The following DLG1 variants were observed in gnomAD, a reference collection of about 807,000 sequenced individuals.
DLG1 encodes disks large homolog 1.
In DLG1, 42 loss-of-function variants were observed where a neutral mutation model predicts 123.4. The observed-to-expected ratio is 0.34, with a 90% CI of 0.27 to 0.44. DLG1 has a LOEUF of 0.44. Ranked by LOEUF, DLG1 falls within the 20% of genes least tolerant of loss-of-function variation. DLG1 has a pLI of 1.00. For missense variants in DLG1, 942 were observed against 1,082.6 expected (o/e 0.87, Z 1.82); for synonymous variants, 317 against 356.2 (o/e 0.89, Z 1.24).
At chr3:197,252,536 A>G (rs986148038) in intron 4 of DLG1, among the ~76,000 whole-genome samples, 3 of 152,184 alleles carry the variant, frequency 2.0e-5, no homozygotes, top group Non-Finnish European at 4.4e-5. Flanking sequence ...ACGGTAGTTA[A>G]AATCAGAGAA....
At chr3:197,147,587 A>T (rs180972527) in intron 6 of DLG1, among the ~76,000 whole-genome samples, 1 of 152,212 alleles carries the variant, frequency 6.6e-6, no homozygotes, top group East Asian at 1.9e-4. Flanking sequence ...AACCAAACAC[A>T]GTATGTTCTC....
intron 22 of DLG1, among the ~76,000 whole-genome samples, chr3:197,062,744 C>T (rs1736702045): frequency 6.6e-6 from 1 of 152,186 alleles, no homozygotes; most frequent in South Asian, 2.1e-4. Flanking sequence ...CAGATATTCT[C>T]ATGGCTTATT....
intron 21 of DLG1, 98 bp downstream of exon 21, chr3:197,065,610 G>A (rs1045318814): frequency 1.9e-6 from 2 of 1,030,026 alleles, no homozygotes; most frequent in African/African-American, 3.2e-5. Context: ...GATAAAATAA[G>A]TACAAACCAT....
intron 8 of DLG1, among the ~76,000 whole-genome samples, chr3:197,139,608 T>C (rs1484612146): frequency 6.6e-6 from 1 of 152,228 alleles, no homozygotes; most frequent in African/African-American, 2.4e-5. Context: ...GAGACAAATG[T>C]TATTTTCATC....
At chr3:197,156,747 G>GTAA in intron 5 of DLG1, among the ~76,000 whole-genome samples, 1 of 152,282 alleles carries the variant, frequency 6.6e-6, no homozygotes, top group South Asian at 2.1e-4. Flanking sequence ...ATATAGGAAT[G>GTAA]TAACAATTAC....
chr3:197,085,887 T>A (rs1018159958), intron 15 of DLG1, 131 bp from the exon 16 acceptor site: 4 of 719,842 alleles, frequency 5.6e-6, no homozygotes, highest in Non-Finnish European at 8.9e-6. Context: ...CCAGTTCAAT[T>A]CTGCACTGCA....
chr3:197,225,249 G>C (rs1739233751), intron 4 of DLG1, among the ~76,000 whole-genome samples: 1 of 152,164 alleles, frequency 6.6e-6, no homozygotes, highest in East Asian at 1.9e-4. Context: ...AGGTAAAAAT[G>C]CACCCGCTCT....
Position 197,086,503 on chromosome 3 carries a change from A to C in DLG1, c.1662-747T>G, listed in dbSNP as rs1754454554. On this transcript the variant is annotated intron_variant, in intron 15 of 24. Coordinates refer to ENST00000667157, the MANE Select transcript of DLG1 (RefSeq NM_001366207.1). ...TCACAGCAATTACATTTATAATATA[A>C]TTTATTCATTCTTTTGTTCTAATTT... 2.0e-5 allele frequency among the ~76,000 whole-genome samples: 3 copies of C among 152,210 alleles called. No homozygotes were observed. In the South Asian group the frequency reaches 6.2e-4, roughly 32 times the overall value.
chr3:197,164,208 G>A (rs1215607471), intron 5 of DLG1, among the ~76,000 whole-genome samples: 1 of 151,546 alleles, frequency 6.6e-6, no homozygotes, highest in Non-Finnish European at 1.5e-5. Context: ...TGGCCAACAT[G>A]GTGAAACTCC....
chr3:197,268,116 G>A (rs1439786281), intron 4 of DLG1, among the ~76,000 whole-genome samples: 1 of 152,140 alleles, frequency 6.6e-6, no homozygotes, highest in African/African-American at 2.4e-5. Flanking sequence ...GAGAGGTGAG[G>A]AGGTTTAGGA....
chr3:197,160,309 TA>T (rs1445535049), intron 5 of DLG1, among the ~76,000 whole-genome samples: 1 of 151,368 alleles, frequency 6.6e-6, no homozygotes, highest in African/African-American at 2.4e-5. Context: ...TCCAGAAAAC[TA>T]TTTTAACACC....
chr3:197,240,313 G>T (rs553910723), intron 4 of DLG1, among the ~76,000 whole-genome samples: 1 of 152,102 alleles, frequency 6.6e-6, no homozygotes, highest in South Asian at 2.1e-4. Context: ...TCCCTCATTC[G>T]GGAAGAACAG....
intron 4 of DLG1, among the ~76,000 whole-genome samples, chr3:197,233,711 G>T (rs1026053536): frequency 1.3e-5 from 2 of 152,078 alleles, no homozygotes; most frequent in Non-Finnish European, 2.9e-5. Context: ...GTAGAGACGG[G>T]GTTTCACCAT....
chr3:197,200,740 C>A (rs781170234), intron 4 of DLG1, among the ~76,000 whole-genome samples: 3 of 152,020 alleles, frequency 2.0e-5, no homozygotes, highest in Non-Finnish European at 2.9e-5. Flanking sequence ...TTTCAACAGA[C>A]TCACCTCAAC....
chr3:197,280,075 A>G (rs752699399), intron 4 of DLG1, among the ~76,000 whole-genome samples: 5 of 152,208 alleles, frequency 3.3e-5, no homozygotes, highest in African/African-American at 9.6e-5. Context: ...GCTACTGAAC[A>G]GTAGAATGTA....
intron 2 of DLG1, chr3:197,296,733 C>T: frequency 2.5e-6 from 1 of 400,108 alleles, no homozygotes; most frequent in Non-Finnish European, 4.4e-6. Flanking sequence ...TAAATGTGTA[C>T]TGGTAGTTTG....
chr3:197,274,486 A>T (rs1227930648), intron 4 of DLG1, among the ~76,000 whole-genome samples: 1 of 151,710 alleles, frequency 6.6e-6, no homozygotes, highest in Non-Finnish European at 1.5e-5. Context: ...AAGACCTGAA[A>T]AGATACAATA....
chr3:197,128,702 T>C (rs1212688925), intron 11 of DLG1, among the ~76,000 whole-genome samples: 1 of 152,218 alleles, frequency 6.6e-6, no homozygotes, highest in Non-Finnish European at 1.5e-5. Flanking sequence ...TCAAAATTAT[T>C]CCTTGATCCA....
At position 197,278,007 on chromosome 3, in the gene DLG1, G is replaced by A. The variant is rs141217914; in HGVS notation, c.318+4672C>T. ...TGTTTAAAGAAATGGTTTTGGGGTC[G>A]GGCATGGTGGCTGAAGCCTGTAATC... On this transcript the variant is annotated intron_variant, in intron 4 of 24. Coordinates refer to ENST00000667157, the MANE Select transcript of DLG1 (RefSeq NM_001366207.1). 4.1e-3 allele frequency among the ~76,000 whole-genome samples: 616 copies of A among 151,708 alleles called. 2 individuals carry two copies. The highest frequency in any genetic ancestry group is 5.1e-3 in the Non-Finnish European group (345 of 67,854).
Sources: allele counts gnomAD v4.1 joint callset (sites outside exome capture counted in the v4.1 genomes callset), GRCh38; gene constraint gnomAD v4.1.1; transcripts MANE v1.5; gene names NCBI Gene and HGNC (gene_info 2026-07-23, HGNC 2026-07-21).